TRIM26: variants seen among roughly 807,000 people sequenced by gnomAD.
TRIM26 encodes the protein tripartite motif containing 26.
TRIM26 carries 16 observed loss-of-function variants against 45.5 expected under a neutral mutation model. That is an observed-to-expected ratio of 0.35 (90% confidence interval 0.24 to 0.53). The LOEUF (loss-of-function observed/expected upper bound fraction) is 0.53. Ranked by LOEUF, TRIM26 falls within the 20% of genes least tolerant of loss-of-function variation. The pLI, the probability that TRIM26 is intolerant of heterozygous loss-of-function variation, is 0.92. For missense variants in TRIM26, 442 were observed against 691.1 expected, an observed-to-expected ratio of 0.64 and a Z score of 4.04; for synonymous variants, 273 against 290.4, an observed-to-expected ratio of 0.94 and a Z score of 0.61.
At chr6:30,187,346 G>GGGCATTCA (rs1404562404) in intron 9 of TRIM26, 1 of 327,692 alleles carries the variant, frequency 3.1e-6, no homozygotes, top group Non-Finnish European at 6.3e-6. Flanking sequence ...TTAGAAAAGA[G>GGGCATTCA]GGCATTCAGG....
At position 30,204,661 on chromosome 6, in the gene TRIM26, C is replaced by A. The variant is rs6906435; in HGVS notation, c.-271G>T. The A allele has an allele frequency of 7.6e-3, 1,162 of 152,306 alleles. 9 individuals are homozygous for A. Among genetic ancestry groups the A allele is most frequent in the Middle Eastern group, 0.03 (9 of 296 alleles). 9.4% of individuals were successfully genotyped at this position (152,306 alleles called of 1,614,324 possible). ...AAAACTCTTCCCCAACTTACCGCAC[C>A]CTGCTATGGTTCTGCCCTTTTATGC... On this transcript the variant is annotated 5_prime_UTR_variant, in exon 2 of 10. Transcript: ENST00000454678.
rs527967929 is a variant in TRIM26, at chr6:30,198,191, G to A, written c.534+238C>T. Among the ~76,000 whole-genome samples, 67 of 152,348 alleles carry A rather than the reference G, an allele frequency of 4.4e-4. No individual in the cohort carries two copies. The highest frequency in any genetic ancestry group is 1.5e-3 in the African/African-American group (63 of 41,580). On this transcript the variant is annotated intron_variant, in intron 5 of 9. Transcript: ENST00000454678. This position sits in a 1 kb window ranked among gnomAD's most constrained non-coding sequence, Gnocchi z 6.3. The stretch of plus-strand genomic sequence containing the variant: ...GGTGACAGTCACAGAAAACGGAAGG[G>A]ACTCTAGCTGACATCCAGGCAGCCC...
In TRIM26 at chr6:30,185,872, G is replaced by C; in HGVS notation, c.*4C>G. 1 of 1,606,456 alleles carries C rather than the reference G, an allele frequency of 6.2e-7. No homozygotes were observed. Among genetic ancestry groups the C allele is most frequent in the Non-Finnish European group, 8.5e-7 (1 of 1,175,864 alleles). On this transcript the variant is annotated 3_prime_UTR_variant, in exon 10 of 10. Transcript: ENST00000454678. The surrounding 1 kb of genome is among the most constrained non-coding windows in gnomAD (Gnocchi z 5.7). ...GGGTTGGGGCTGGGGGCAGATGTCA[G>C]GGCTCAGGGTCTTAGCAGGAGGCGT... is the stretch of plus-strand genomic sequence containing the variant.
At chr6:30,197,619 T>C (rs773735785) in intron 5 of TRIM26, among the ~76,000 whole-genome samples, 15 of 152,140 alleles carry the variant, frequency 9.9e-5, no homozygotes, top group African/African-American at 1.4e-4. Flanking sequence ...GGTTCCAGGA[T>C]CTCCCTCCCC....
In TRIM26 at chr6:30,189,932, T is replaced by C. The variant is rs1775643262; in HGVS notation, c.788+81A>G. 1.3e-6 allele frequency: 2 copies of C among 1,559,246 alleles called. No homozygotes were observed. The highest frequency in any genetic ancestry group is 8.8e-7 in the Non-Finnish European group (1 of 1,131,986). On this transcript the variant is annotated intron_variant, in intron 7 of 9. Transcript: ENST00000454678. The surrounding 1 kb of genome is among the most constrained non-coding windows in gnomAD (Gnocchi z 5.0). ...ACCTCTGGCACCATACCACTCCCCA[T>C]GAATTCAAATGCACCTGGTCAGAAG...
rs1775245431 is a variant in TRIM26, at chr6:30,186,815, C to G, written c.938-257G>C. ...TAACTTGACTGTTTTCGCTTACGCT[C>G]TGATTCCAAACAAAACTTTTCATAA... is the stretch of plus-strand genomic sequence containing the variant. On this transcript the variant is annotated intron_variant, in intron 9 of 9. Coordinates refer to ENST00000454678, the MANE Select transcript of TRIM26 (RefSeq NM_003449.5). This position sits in a 1 kb window ranked among gnomAD's most constrained non-coding sequence, Gnocchi z 7.4. 3.7e-6 allele frequency: 4 copies of G among 1,087,750 alleles called. No individual in the cohort carries two copies. Among genetic ancestry groups the G allele is most frequent in the Non-Finnish European group, 4.2e-6 (3 of 718,618 alleles). 67.4% of individuals were successfully genotyped at this position (1,087,750 alleles called of 1,614,324 possible). A position where few individuals can be genotyped will look rare whatever the true frequency, so the allele number is the denominator to read the frequency against.
rs749522369 is a variant in TRIM26, at chr6:30,189,394, C to G, written c.904+24G>C. 149 of 1,610,908 alleles carry G rather than the reference C, an allele frequency of 9.2e-5. No individual in the cohort carries two copies. Among genetic ancestry groups the G allele is most frequent in the Non-Finnish European group, 1.1e-4 (125 of 1,178,190 alleles). Reference sequence around the variant, plus strand: ...AGGTAGCCCTGCTCTGACTCCCACCCTTTGTGCGCTCCCCAACCCTTACCC... The same window carrying G: ...AGGTAGCCCTGCTCTGACTCCCACCGTTTGTGCGCTCCCCAACCCTTACCC... On this transcript the variant is annotated intron_variant, in intron 8 of 9. Transcript: ENST00000454678. This position sits in a 1 kb window ranked among gnomAD's most constrained non-coding sequence, Gnocchi z 5.0.
At chr6:30,203,730 T>C (rs1400197882) in intron 2 of TRIM26, among the ~76,000 whole-genome samples, 1 of 152,088 alleles carries the variant, frequency 6.6e-6, no homozygotes, top group African/African-American at 2.4e-5. Context: ...AATACCTGTA[T>C]TTCTAGGCAA....
chr6:30,197,308 T>TG (rs1159936610), intron 5 of TRIM26, among the ~76,000 whole-genome samples: 1 of 152,148 alleles, frequency 6.6e-6, no homozygotes, highest in Non-Finnish European at 1.5e-5. Context: ...CAGCTGGGGT[T>TG]GGGGGAGTCC....
At chr6:30,191,477 A>G (rs1181473585) in intron 6 of TRIM26, among the ~76,000 whole-genome samples, 3 of 151,718 alleles carry the variant, frequency 2.0e-5, no homozygotes, top group Non-Finnish European at 2.9e-5. Context: ...AGCAGGGGGA[A>G]GCAGACAATA....
intron 1 of TRIM26, among the ~76,000 whole-genome samples, chr6:30,205,115 C>G (rs1349041890): frequency 1.3e-5 from 2 of 152,110 alleles, no homozygotes; most frequent in Non-Finnish European, 2.9e-5. Context: ...GTGGCGCATG[C>G]CTATAATCCC....
At chr6:30,197,065 G>A (rs1581686932) in intron 5 of TRIM26, among the ~76,000 whole-genome samples, 2 of 152,154 alleles carry the variant, frequency 1.3e-5, no homozygotes, top group Non-Finnish European at 2.9e-5. Flanking sequence ...TCTCACTCAT[G>A]AGCCGACGCA....
chr6:30,197,034 C>T (rs74717807), intron 5 of TRIM26, among the ~76,000 whole-genome samples: 2 of 152,200 alleles, frequency 1.3e-5, no homozygotes, highest in African/African-American at 2.4e-5. Flanking sequence ...CGCTCTGGGG[C>T]CCCTAGAGAA....
chr6:30,205,768 G>A (rs2517606), intron 1 of TRIM26, among the ~76,000 whole-genome samples: 29,618 of 152,134 alleles, frequency 0.19, 3,412 homozygotes, highest in Non-Finnish European at 0.25. Context: ...CCCGAGCCCG[G>A]GAAGTTGAGG....
intron 6 of TRIM26, among the ~76,000 whole-genome samples, chr6:30,192,750 T>G (rs1775984556): frequency 6.6e-6 from 1 of 152,088 alleles, no homozygotes; most frequent in Non-Finnish European, 1.5e-5. Context: ...GACAGCCAAA[T>G]AATCTCTGGG....
Position 30,196,861 on chromosome 6 carries a change from A to G in TRIM26, c.535-115T>C. 1.0e-6 allele frequency: 1 copy of G among 1,002,202 alleles called. No individual in the cohort carries two copies. The highest frequency in any genetic ancestry group is 1.5e-6 in the Non-Finnish European group (1 of 675,524). The allele number at this position is 1,002,202 out of a possible 1,614,324, so 62.1% of individuals were successfully genotyped here. ...CTCGCTACCCCCGTTCAGGAATTCT[A>G]CAGGATCTGGAGTGGGAGGAGCTAC... On this transcript the variant is annotated intron_variant, in intron 5 of 9. Coordinates refer to ENST00000454678, the MANE Select transcript of TRIM26 (RefSeq NM_003449.5). This position sits in a 1 kb window ranked among gnomAD's most constrained non-coding sequence, Gnocchi z 4.9.
At chr6:30,208,953 T>TGTGTGTGTG (rs1554209010) in intron 1 of TRIM26, among the ~76,000 whole-genome samples, 1 of 149,848 alleles carries the variant, frequency 6.7e-6, no homozygotes, top group South Asian at 2.1e-4. Flanking sequence ...TGTGTGTGTA[T>TGTGTGTGTG]TTAACTCCCC....
chr6:30,187,917 CAAAAAAA>C (rs34936729), intron 9 of TRIM26, among the ~76,000 whole-genome samples: 3 of 43,602 alleles, frequency 6.9e-5, no homozygotes, highest in Non-Finnish European at 8.8e-5. Context: ...GACTCCATCT[CAAAAAAA>C]AAAAAAAAAA....
intron 6 of TRIM26, among the ~76,000 whole-genome samples, chr6:30,192,225 G>A (rs1242289109): frequency 2.6e-5 from 4 of 152,228 alleles, no homozygotes; most frequent in Non-Finnish European, 5.9e-5. Context: ...GAGCAGTGGG[G>A]CTGCGGCAAT....
Sources: gnomAD v4.1 joint callset for allele counts (sites outside exome capture counted in the v4.1 genomes callset) on GRCh38, gnomAD v4.1.1 for gene constraint, Gnocchi (gnomAD v3.1) non-coding constraint, MANE v1.5 for transcripts, NCBI Gene and HGNC (gene_info 2026-07-23, HGNC 2026-07-21) for gene names.